The following CHL1 variants were observed in gnomAD, a reference collection of about 807,000 sequenced individuals.
CHL1 encodes the protein cell adhesion molecule L1 like.
In CHL1, 96 loss-of-function variants were observed where a neutral mutation model predicts 141.9. The ratio of observed to expected loss-of-function variants is 0.68; its 90% confidence interval spans 0.57 to 0.80. The LOEUF is 0.80. Among genes scored for constraint, CHL1 ranks in the 30% least tolerant of loss-of-function variants. The pLI is 0.00. For synonymous variants in CHL1, 613 were observed against 502.2 expected (o/e 1.22, Z -2.95); for missense variants, 1,820 against 1,457.2 (o/e 1.25, Z -4.05).
intron 11 of CHL1, 56 bp downstream of exon 11, chr3:354,827 A>G (rs1368638617): frequency 6.3e-7 from 1 of 1,599,840 alleles, no homozygotes; most frequent in African/African-American, 1.3e-5. Flanking sequence ...TGACGGGATT[A>G]ATGATGGTCA....
rs145891262 is a variant in CHL1 at position 374,892 on chromosome 3, C to G, written c.1752-2926C>G. On this transcript the variant is annotated intron_variant, in intron 15 of 27. Coordinates refer to ENST00000256509, the MANE Select transcript of CHL1 (RefSeq NM_006614.4). ...TATGCAGAAGACCGGAAGCTTTAAC[C>G]TAAAGGGAGGTTAAACTTCTAATCA... Among the ~76,000 whole-genome samples the G allele has an allele frequency of 5.9e-5, 9 of 152,298 alleles. No homozygotes were observed. In the East Asian group the frequency reaches 1.2e-3, roughly 20 times the overall value.
intron 10 of CHL1, among the ~76,000 whole-genome samples, chr3:350,105 C>G (rs1400296055): frequency 6.6e-6 from 1 of 151,788 alleles, no homozygotes; most frequent in African/African-American, 2.4e-5. Flanking sequence ...TACTTACAGG[C>G]AAAAAAGAAT....
intron 19 of CHL1, among the ~76,000 whole-genome samples, chr3:386,443 CAT>C (rs371254574): frequency 6.6e-5 from 10 of 152,164 alleles, no homozygotes; most frequent in African/African-American, 1.2e-4. Flanking sequence ...ATGACTCACT[CAT>C]ATATTTTGAG....
intron 5 of CHL1, among the ~76,000 whole-genome samples, chr3:334,010 G>A (rs1244518378): frequency 6.6e-6 from 1 of 152,006 alleles, no homozygotes; most frequent in Non-Finnish European, 1.5e-5. Context: ...AGGCTAGAGT[G>A]CAGTGGTACA....
intron 23 of CHL1, 41 bp from the exon 24 acceptor site, chr3:394,652 G>C: frequency 1.4e-6 from 2 of 1,426,774 alleles, no homozygotes; most frequent in Non-Finnish European, 1.9e-6. Flanking sequence ...AACTTGAATG[G>C]TTAAATACAT....
rs140818350 is a variant in CHL1 at position 304,041 on chromosome 3, A to C, written c.-94-15642A>C. ...ATGGATTGCATGTATTGATTTGCATATGTTGAACCAGCCTTGCATCCCAGG... is the reference window on the plus strand; with the variant it reads ...ATGGATTGCATGTATTGATTTGCATCTGTTGAACCAGCCTTGCATCCCAGG... On this transcript the variant is annotated intron_variant, in intron 2 of 27. Coordinates refer to ENST00000256509, the MANE Select transcript of CHL1 (RefSeq NM_006614.4). Among the ~76,000 whole-genome samples, 558 of 152,292 alleles carry C rather than the reference A, an allele frequency of 3.7e-3. 8 individuals carry two copies. Among genetic ancestry groups the C allele is most frequent in the African/African-American group, 0.013 (532 of 41,570 alleles).
intron 2 of CHL1, among the ~76,000 whole-genome samples, chr3:260,609 G>A (rs1694632315): frequency 6.6e-6 from 1 of 152,124 alleles, no homozygotes; most frequent in South Asian, 2.1e-4. Flanking sequence ...GACTGCCATA[G>A]CTTACCAAAC....
intron 2 of CHL1, chr3:248,411 G>A (rs1328940378): frequency 6.6e-6 from 1 of 151,938 alleles, no homozygotes; most frequent in Non-Finnish European, 1.5e-5. Context: ...TTAAAGCATA[G>A]GTCTGTGATC....
intron 1 of CHL1, among the ~76,000 whole-genome samples, chr3:203,085 C>T (rs1699095603): frequency 6.6e-6 from 1 of 152,128 alleles, no homozygotes; most frequent in South Asian, 2.1e-4. Context: ...TCAGAAAAAG[C>T]TTTAAAAATG....
chr3:387,338 G>GGAAGC (rs1559345543), intron 19 of CHL1, among the ~76,000 whole-genome samples: 1 of 152,162 alleles, frequency 6.6e-6, no homozygotes, highest in Non-Finnish European at 1.5e-5. Context: ...GGAAGGGAAG[G>GGAAGC]CTGGTGGCCT....
intron 6 of CHL1, 59 bp downstream of exon 6, chr3:340,975 A>C: frequency 6.7e-7 from 1 of 1,502,046 alleles, no homozygotes; most frequent in Non-Finnish European, 9.1e-7. Context: ...CCATCATATC[A>C]ATAACATAAT....
intron 14 of CHL1, among the ~76,000 whole-genome samples, chr3:364,396 T>G (rs1481434067): frequency 1.3e-5 from 2 of 152,198 alleles, no homozygotes; most frequent in Non-Finnish European, 2.9e-5. Flanking sequence ...ATTGTTTTTA[T>G]ACTTCAAAAA....
At position 242,483 on chromosome 3, in the gene CHL1, C is replaced by T. The variant is rs531476946; in HGVS notation, c.-174-2130C>T. On this transcript the variant is annotated intron_variant, in intron 1 of 27. Coordinates refer to ENST00000256509, the MANE Select transcript of CHL1 (RefSeq NM_006614.4). The stretch of plus-strand genomic sequence containing the variant: ...TGGTGGTGGGCGCCTGTAGTCCCAG[C>T]TACCTGGGAGGCTGAGGCAGGAGAA... Among the ~76,000 whole-genome samples the T allele has an allele frequency of 1.8e-3, 272 of 150,200 alleles. 2 individuals are homozygous for T. Among genetic ancestry groups the T allele is most frequent in the African/African-American group, 6.1e-3 (252 of 41,102 alleles).
chr3:286,070 A>T (rs1480850963), intron 2 of CHL1, among the ~76,000 whole-genome samples: 2 of 152,152 alleles, frequency 1.3e-5, no homozygotes, highest in East Asian at 3.8e-4. Context: ...CCCCATTTTC[A>T]TAATTCTGAT....
intron 26 of CHL1, among the ~76,000 whole-genome samples, chr3:400,583 G>A (rs1025649350): frequency 3.3e-5 from 2 of 60,470 alleles, no homozygotes; most frequent in Non-Finnish European, 5.8e-5. Flanking sequence ...TTGTATTTGA[G>A]GGCTTTTTTT....
chr3:373,077 C>T (rs1705852814), intron 15 of CHL1, among the ~76,000 whole-genome samples: 1 of 152,210 alleles, frequency 6.6e-6, no homozygotes, highest in South Asian at 2.1e-4. Context: ...GGGTCTCACC[C>T]AGTTGGGTGG....
chr3:389,509 G>T, intron 20 of CHL1, 35 bp downstream of exon 20: 5 of 1,491,476 alleles, frequency 3.4e-6, no homozygotes, highest in Non-Finnish European at 4.7e-6. Context: ...AAGCACGTCA[G>T]TAACTGTTGC....
chr3:243,127 G>C (rs1173183215), intron 1 of CHL1, among the ~76,000 whole-genome samples: 2 of 152,176 alleles, frequency 1.3e-5, no homozygotes, highest in Admixed American at 6.5e-5. Flanking sequence ...GAACATTCTA[G>C]ATTAAGTCAT....
chr3:322,644 A>AAATATATATATATATATATAT (rs1700666447), intron 3 of CHL1, among the ~76,000 whole-genome samples: 1 of 82,684 alleles, frequency 1.2e-5, no homozygotes, highest in Non-Finnish European at 2.1e-5. Flanking sequence ...TATATATATA[A>AAATATATATATATATATATAT]AATATATATA....
Sources: gnomAD v4.1 joint callset for allele counts (sites outside exome capture counted in the v4.1 genomes callset) on GRCh38, gnomAD v4.1.1 for gene constraint, MANE v1.5 for transcripts, NCBI Gene and HGNC (gene_info 2026-07-23, HGNC 2026-07-21) for gene names.